DNAH11: variants seen among roughly 807,000 people sequenced by gnomAD.
DNAH11 encodes dynein axonemal heavy chain 11.
A neutral mutation model predicts 526.0 loss-of-function variants in DNAH11; 442 were observed. The ratio of observed to expected loss-of-function variants is 0.84; its 90% CI spans 0.78 to 0.91. The LOEUF is 0.91. Ranked by LOEUF, DNAH11 falls within the 40% of genes least tolerant of loss-of-function variation. The pLI is 0.00. For synonymous variants in DNAH11, 2,461 were observed against 1,935.9 expected, an observed-to-expected ratio of 1.27 and a Z score of -7.12; for missense variants, 6,989 against 5,448.7, an observed-to-expected ratio of 1.28 and a Z score of -8.90.
Position 21,588,599 on chromosome 7 carries a change from C to G in DNAH11, c.1936C>G (p.Gln646Glu). Residue 646 changes from glutamine to glutamate, a missense_variant, in exon 11 of 82, where the codon CAA (glutamine) becomes GAA (glutamate). Transcript: ENST00000409508. ...KWAQQVLQRLQMFWSNFASLR... is the reference protein window; with the variant it reads ...KWAQQVLQRLEMFWSNFASLR... Reference sequence around the variant, plus strand: ...GGCCCAGCAGGTTCTCCAACGACTTCAAATGTTTTGGTCAAACTTCGCATC... The same window carrying G: ...GGCCCAGCAGGTTCTCCAACGACTTGAAATGTTTTGGTCAAACTTCGCATC... The G allele has an allele frequency of 6.2e-7, 1 of 1,613,686 alleles. No individual in the cohort carries two copies. Among genetic ancestry groups the G allele is most frequent in the Non-Finnish European group, 8.5e-7 (1 of 1,179,650 alleles).
intron 18 of DNAH11, 95 bp from the exon 19 acceptor site, chr7:21,606,331 A>C (rs1389283971): frequency 1.8e-6 from 2 of 1,091,718 alleles, no homozygotes; most frequent in Non-Finnish European, 2.6e-6. Flanking sequence ...TCAAGAGAAA[A>C]AAAAAAAAGA....
At chr7:21,814,707 C>T (rs956493390) in intron 63 of DNAH11, among the ~76,000 whole-genome samples, 11 of 151,960 alleles carry the variant, frequency 7.2e-5, no homozygotes, top group East Asian at 1.9e-4. Context: ...AGGAATTTTT[C>T]GGCTCCATTA....
At chr7:21,755,594 AT>A (rs1786595326) in intron 54 of DNAH11, among the ~76,000 whole-genome samples, 1 of 152,166 alleles carries the variant, frequency 6.6e-6, no homozygotes, top group African/African-American at 2.4e-5. Context: ...AATGTAAAAA[AT>A]ATTTTTAAAT....
chr7:21,650,300 G>T (rs1787567218), intron 28 of DNAH11, among the ~76,000 whole-genome samples: 1 of 152,134 alleles, frequency 6.6e-6, no homozygotes, highest in African/African-American at 2.4e-5. Flanking sequence ...TCTGGATTAT[G>T]TAAGTAATTG....
intron 35 of DNAH11, among the ~76,000 whole-genome samples, chr7:21,694,172 A>T (rs978095153): frequency 2.0e-5 from 3 of 152,148 alleles, no homozygotes; most frequent in Admixed American, 2.0e-4. Flanking sequence ...TTCCCTTATT[A>T]TTATTTTTTA....
At chr7:21,886,499 G>C (rs1784128273) in intron 76 of DNAH11, among the ~76,000 whole-genome samples, 1 of 152,164 alleles carries the variant, frequency 6.6e-6, no homozygotes, top group Non-Finnish European at 1.5e-5. Context: ...GATTTCACAT[G>C]TCAGAGAGAG....
chr7:21,787,001 A>G (rs1788221838), intron 59 of DNAH11, among the ~76,000 whole-genome samples: 1 of 152,222 alleles, frequency 6.6e-6, no homozygotes, highest in Admixed American at 6.5e-5. Flanking sequence ...GAAGGTTGCT[A>G]ATTATTTGCA....
At chr7:21,895,739 T>C (rs1324797281) in intron 79 of DNAH11, among the ~76,000 whole-genome samples, 1 of 152,210 alleles carries the variant, frequency 6.6e-6, no homozygotes, top group African/African-American at 2.4e-5. Context: ...TTGACTTTTC[T>C]TTCTTTTTGA....
intron 28 of DNAH11, among the ~76,000 whole-genome samples, chr7:21,651,389 G>T (rs1416747691): frequency 6.6e-6 from 1 of 151,752 alleles, no homozygotes; most frequent in Non-Finnish European, 1.5e-5. Flanking sequence ...TTGAGACAGA[G>T]TCTCGCTCTG....
chr7:21,720,726 C>T lies in DNAH11; in HGVS notation c.7136C>T (p.Thr2379Ile). ...ATTTGACTATTTCTTTTTCTTTAGACTCTATGTGTTCTTTTGGAGTGCTTG... is the reference window on the plus strand; with the variant it reads ...ATTTGACTATTTCTTTTTCTTTAGATTCTATGTGTTCTTTTGGAGTGCTTG... ...TSIPESSLVQTLCVLLECLLT... is the reference protein window; with the variant it reads ...TSIPESSLVQILCVLLECLLT... The change falls in exon 44 of 82, where the codon ACT becomes ATT. Residue 2379 changes from threonine (T) to isoleucine (I), a missense_variant and splice_region_variant. Thr to Ile is a moderately conservative substitution (Grantham distance 89, BLOSUM62 -1). Coordinates refer to ENST00000409508, the MANE Select transcript of DNAH11 (RefSeq NM_001277115.2). 6.4e-7 allele frequency: 1 copy of T among 1,564,126 alleles called. No individual in the cohort carries two copies. The highest frequency in any genetic ancestry group is 8.7e-7 in the Non-Finnish European group (1 of 1,153,578).
chr7:21,891,904 T>C (rs1784338580), intron 76 of DNAH11, among the ~76,000 whole-genome samples: 1 of 152,198 alleles, frequency 6.6e-6, no homozygotes, highest in Non-Finnish European at 1.5e-5. Context: ...ATTATAAAAT[T>C]CAGGTATATA....
At chr7:21,664,675 G>A (rs181330584) in intron 30 of DNAH11, among the ~76,000 whole-genome samples, 3 of 152,028 alleles carry the variant, frequency 2.0e-5, no homozygotes, top group Admixed American at 1.3e-4. Context: ...TGAGCAGGCT[G>A]GTTTTGAACT....
rs1406445840 is a variant in DNAH11 at position 21,735,736 on chromosome 7, G to A, written c.7537G>A (p.Gly2513Arg). Residue 2513 changes from glycine (G) to arginine (R), a missense_variant, in exon 46 of 82, where the codon GGA (glycine) becomes AGA (arginine). Transcript: ENST00000409508. ...ACCTCTAATGCTAGTAGGAAATGCA[G>A]GAGTGGGAAAAACAGTCTTTGTAGG... ...GKPLMLVGNA[G>R]VGKTVFVGDT... The A allele has an allele frequency of 6.2e-7, 1 of 1,613,972 alleles. No homozygotes were observed. Among genetic ancestry groups the A allele is most frequent in the African/African-American group, 1.3e-5 (1 of 75,048 alleles).
chr7:21,673,504 G>A (rs1323828096), intron 30 of DNAH11, among the ~76,000 whole-genome samples: 2 of 152,088 alleles, frequency 1.3e-5, no homozygotes, highest in Non-Finnish European at 2.9e-5. Context: ...TCCCCCCACA[G>A]CATCCTCCAG....
chr7:21,601,296 C>A (rs756443726), intron 17 of DNAH11, 100 bp from the exon 18 acceptor site: 19 of 1,433,838 alleles, frequency 1.3e-5, no homozygotes, highest in Non-Finnish European at 1.6e-5. Flanking sequence ...AATGTTTAAT[C>A]AGGTACATAA....
chr7:21,848,265 A>G (rs888668794), intron 66 of DNAH11, among the ~76,000 whole-genome samples: 1 of 151,482 alleles, frequency 6.6e-6, no homozygotes, highest in African/African-American at 2.4e-5. Context: ...TTATTCTGAT[A>G]ACTACTTTGT....
intron 28 of DNAH11, among the ~76,000 whole-genome samples, chr7:21,642,465 A>T (rs1787173408): frequency 6.6e-6 from 1 of 152,116 alleles, no homozygotes; most frequent in Non-Finnish European, 1.5e-5. Flanking sequence ...AGATAGTGTG[A>T]TCTTGCCACA....
intron 79 of DNAH11, among the ~76,000 whole-genome samples, chr7:21,896,599 A>G (rs557540725): frequency 7.9e-4 from 120 of 152,316 alleles, no homozygotes; most frequent in African/African-American, 2.8e-3. Context: ...TATTCTGAAA[A>G]AGTCTTAGCA....
rs752427757 is a variant in DNAH11 at position 21,744,924 on chromosome 7, G to C, written c.8371G>C (p.Asp2791His). 2.5e-6 allele frequency: 4 copies of C among 1,611,192 alleles called. No homozygotes were observed. The East Asian group carries it at 6.7e-5, about 27-fold the overall frequency. The change falls in exon 51 of 82, where the codon GAT becomes CAT. Residue 2791 changes from aspartate (D) to histidine (H), a missense_variant. Transcript: ENST00000409508. ...QQPLIYCHFA[D>H]RGKDPHYMPV... The stretch of plus-strand genomic sequence containing the variant: ...GCCCCTCATTTATTGCCACTTTGCT[G>C]ATAGAGGGAAGGACCCACATTACAT...
Sources: gnomAD v4.1 joint callset for allele counts (sites outside exome capture counted in the v4.1 genomes callset) on GRCh38, gnomAD v4.1.1 for gene constraint, MANE v1.5 for transcripts, NCBI Gene and HGNC (gene_info 2026-07-23, HGNC 2026-07-21) for gene names.